CYP4X1: variants seen among roughly 807,000 people sequenced by gnomAD.
CYP4X1 encodes cytochrome P450 family 4 subfamily X member 1.
Under a neutral mutation model 57.9 loss-of-function variants are expected in CYP4X1, and 44 were observed. The observed-to-expected ratio is 0.76, with a 90% confidence interval of 0.60 to 0.98. The LOEUF (loss-of-function observed/expected upper bound fraction) is 0.98, where lower values mean the gene tolerates loss of function less well. CYP4X1 is among the 50% of genes least tolerant of loss of function. CYP4X1 has a pLI of 0.00. For synonymous variants in CYP4X1, 227 were observed against 228.6 expected (o/e 0.99, Z 0.06); for missense variants, 532 against 623.9 (o/e 0.85, Z 1.57).
chr1:46,996,076 C>T, the CYP4X1 span, among the ~76,000 whole-genome samples: 11 of 152,170 alleles, frequency 7.2e-5, no homozygotes, highest in African/African-American at 2.2e-4. Flanking sequence ...CAACATGTAG[C>T]GGGCACTGGC....
At chr1:47,026,917 A>G (rs975716539) in intron 1 of CYP4X1, among the ~76,000 whole-genome samples, 1 of 151,354 alleles carries the variant, frequency 6.6e-6, no homozygotes, top group Non-Finnish European at 1.5e-5. Flanking sequence ...GGGTTTCACC[A>G]TATTGGCCAG....
At chr1:46,973,392 T>A in the CYP4X1 span, among the ~76,000 whole-genome samples, 5,577 of 152,222 alleles carry the variant, frequency 0.037, 341 homozygotes, top group African/African-American at 0.12. Context: ...TGTTTTCTTT[T>A]TTCAAAGTTT....
chr1:47,011,989 A>G, the CYP4X1 span, among the ~76,000 whole-genome samples: 5 of 152,228 alleles, frequency 3.3e-5, no homozygotes, highest in Non-Finnish European at 7.3e-5. Flanking sequence ...ATCATTGTGG[A>G]AGACAGTGTG....
chr1:46,963,510 G>C, the CYP4X1 span, among the ~76,000 whole-genome samples: 935 of 151,920 alleles, frequency 6.2e-3, 6 homozygotes, highest in Non-Finnish European at 0.01. Context: ...CCTTCACTTA[G>C]TTTGGCTGGA....
chr1:46,997,538 T>C, the CYP4X1 span, among the ~76,000 whole-genome samples: 2 of 152,262 alleles, frequency 1.3e-5, no homozygotes, highest in East Asian at 3.8e-4. Flanking sequence ...TGCATCCATT[T>C]TGCTGTGAAG....
At chr1:47,014,800 A>G in the CYP4X1 span, among the ~76,000 whole-genome samples, 4 of 152,144 alleles carry the variant, frequency 2.6e-5, no homozygotes, top group African/African-American at 2.4e-5. Flanking sequence ...AACTGGGTGG[A>G]GAAGTATGAG....
At chr1:46,981,865 C>T in the CYP4X1 span, among the ~76,000 whole-genome samples, 17 of 152,172 alleles carry the variant, frequency 1.1e-4, no homozygotes, top group South Asian at 1.0e-3. Flanking sequence ...CATCATTCTG[C>T]GCAAACTATC....
At chr1:47,037,784 T>C (rs1644201318) in intron 6 of CYP4X1, among the ~76,000 whole-genome samples, 1 of 152,200 alleles carries the variant, frequency 6.6e-6, no homozygotes, top group Non-Finnish European at 1.5e-5. Flanking sequence ...GTAGTACTTG[T>C]ATAATTTCAT....
At chr1:47,053,917 G>A (rs145923503), downstream of CYP4X1, among the ~76,000 whole-genome samples, 305 of 152,240 alleles carry the variant, frequency 2.0e-3, 5 homozygotes, top group East Asian at 0.023. Flanking sequence ...AAGCTCTTTC[G>A]TTTAATTAGA....
At chr1:47,044,901 C>G (rs926825164) in intron 8 of CYP4X1, among the ~76,000 whole-genome samples, 1 of 151,816 alleles carries the variant, frequency 6.6e-6, no homozygotes, top group African/African-American at 2.4e-5. Flanking sequence ...CTCAGCTTAC[C>G]GCAACCTCTG....
the CYP4X1 span, among the ~76,000 whole-genome samples, chr1:46,971,373 GTGA>G: frequency 6.6e-6 from 1 of 152,188 alleles, no homozygotes; most frequent in Admixed American, 6.6e-5. Flanking sequence ...TAACAGTGCT[GTGA>G]TGAACATATG....
chr1:47,043,499 T>C (rs1398862081), intron 8 of CYP4X1, among the ~76,000 whole-genome samples: 1 of 152,124 alleles, frequency 6.6e-6, no homozygotes, highest in Non-Finnish European at 1.5e-5. Flanking sequence ...TGTTGTTTTT[T>C]GGGGTTGTTT....
At chr1:47,035,691 C>A in intron 4 of CYP4X1, 115 bp from the exon 5 acceptor site, 2 of 1,435,448 alleles carry the variant, frequency 1.4e-6, no homozygotes, top group Non-Finnish European at 1.9e-6. Context: ...TTGGTTCCTG[C>A]TGGGTCAGGG....
chr1:46,968,225 C>T, the CYP4X1 span, among the ~76,000 whole-genome samples: 1,031 of 152,274 alleles, frequency 6.8e-3, 15 homozygotes, highest in East Asian at 0.05. Flanking sequence ...CCTCCCCTTA[C>T]TCCTTCATTA....
chr1:46,975,914 A>G, the CYP4X1 span, among the ~76,000 whole-genome samples: 19 of 151,884 alleles, frequency 1.3e-4, 1 homozygote, highest in African/African-American at 4.1e-4. Context: ...CTGGTCTTTG[A>G]GCTCTGAGAT....
At chr1:47,049,247 TG>T (rs778159893) in intron 10 of CYP4X1, among the ~76,000 whole-genome samples, 174 bp from the exon 11 acceptor site, 3 of 152,252 alleles carry the variant, frequency 2.0e-5, no homozygotes, top group Non-Finnish European at 4.4e-5. Flanking sequence ...TGGTAATTTT[TG>T]GTTAAATAAA....
the CYP4X1 span, among the ~76,000 whole-genome samples, chr1:46,965,348 G>A: frequency 2.6e-5 from 4 of 152,212 alleles, no homozygotes; most frequent in East Asian, 1.9e-4. Context: ...CATTGCTCAC[G>A]CTGGGAGCTG....
the CYP4X1 span, among the ~76,000 whole-genome samples, chr1:46,976,136 G>A: frequency 5.3e-5 from 8 of 152,110 alleles, no homozygotes; most frequent in Non-Finnish European, 1.0e-4. Context: ...GCCAAAGAAG[G>A]GTGGGGCATC....
chr1:46,992,602 A>G, the CYP4X1 span, among the ~76,000 whole-genome samples: 7 of 152,220 alleles, frequency 4.6e-5, no homozygotes, highest in Non-Finnish European at 7.3e-5. Context: ...GTTTGTGATG[A>G]AATAATATTG....
Sources: gnomAD v4.1 joint callset for allele counts (sites outside exome capture counted in the v4.1 genomes callset) on GRCh38, gnomAD v4.1.1 for gene constraint, MANE v1.5 for transcripts, NCBI Gene and HGNC (gene_info 2026-07-23, HGNC 2026-07-21) for gene names.